The following PLA2R1 variants were observed in gnomAD, a reference collection of about 807,000 sequenced individuals.
The protein encoded by PLA2R1 is secretory phospholipase A2 receptor.
PLA2R1 carries 158 observed loss-of-function variants against 195.9 expected under a neutral mutation model. That is an observed-to-expected ratio of 0.81 (90% CI 0.71 to 0.92). The LOEUF (loss-of-function observed/expected upper bound fraction) is 0.92. Ranked by LOEUF, PLA2R1 falls within the 40% of genes least tolerant of loss-of-function variation. The probability of loss-of-function intolerance (pLI) is 0.00; values close to 1 mark genes in which losing one functional copy is unlikely to be tolerated. For synonymous variants in PLA2R1, 586 were observed against 598.2 expected (o/e 0.98, Z 0.30); for missense variants, 1,626 against 1,764.6 (o/e 0.92, Z 1.41).
intron 8 of PLA2R1, among the ~76,000 whole-genome samples, chr2:160,018,633 A>AAAACAAACAAACAAACAAAC (rs59379239): frequency 2.0e-5 from 3 of 150,522 alleles, no homozygotes; most frequent in African/African-American, 7.3e-5. Flanking sequence ...CTCTGTCTCA[A>AAAACAAACAAACAAACAAAC]AAACAAACAA....
chr2:160,020,560 T>C (rs138060325), intron 7 of PLA2R1, among the ~76,000 whole-genome samples: 492 of 152,224 alleles, frequency 3.2e-3, no homozygotes, highest in Non-Finnish European at 6.0e-3. Flanking sequence ...CCCTGATGAA[T>C]GGATTAATGG....
At chr2:160,012,565 C>T (rs1210848371) in intron 10 of PLA2R1, among the ~76,000 whole-genome samples, 1 of 152,056 alleles carries the variant, frequency 6.6e-6, no homozygotes, top group East Asian at 1.9e-4. Flanking sequence ...AGCTTTTCTG[C>T]TAAAAACACC....
At chr2:160,022,618 C>A (rs973396182) in intron 7 of PLA2R1, 47 bp downstream of exon 7, 2 of 1,116,842 alleles carry the variant, frequency 1.8e-6, no homozygotes, top group African/African-American at 1.6e-5. Flanking sequence ...AAAGTAGTTA[C>A]TACATTATAT....
Position 160,022,645 on chromosome 2 carries a change from CA to C in PLA2R1, c.1294+19del. On this transcript the variant is annotated intron_variant, in intron 7 of 29. Transcript: ENST00000283243. ...ACATTATATTTTATGCCTTTTAAAC[CA>C]AAGGCAGCTGGGACTCACCATCTCC... 6.8e-7 allele frequency: 1 copy of C among 1,478,914 alleles called. No individual in the cohort carries two copies. The highest frequency in any genetic ancestry group is 9.1e-7 in the Non-Finnish European group (1 of 1,095,134). The allele number at this position is 1,478,914 out of a possible 1,614,324, so 91.6% of individuals were successfully genotyped here. A position where few individuals can be genotyped will look rare whatever the true frequency, so the allele number is the denominator to read the frequency against.
intron 25 of PLA2R1, among the ~76,000 whole-genome samples, chr2:159,948,394 C>A (rs1012632988): frequency 5.3e-5 from 8 of 151,888 alleles, no homozygotes; most frequent in Non-Finnish European, 1.0e-4. Flanking sequence ...ACCACCAAGC[C>A]CAGATAATTG....
chr2:159,941,550 T>G lies in PLA2R1; in HGVS notation c.*228A>C, dbSNP rs1335363910. On this transcript the variant is annotated 3_prime_UTR_variant, in exon 30 of 30. Coordinates refer to ENST00000283243, the MANE Select transcript of PLA2R1 (RefSeq NM_007366.5). ...TCTTGTCTTTCTGAAAAATAACCAA[T>G]GCATAATTTACCCCTTTTAAGAATG... The G allele has an allele frequency of 2.8e-6, 1 of 357,954 alleles. No homozygotes were observed. The highest frequency in any genetic ancestry group is 5.0e-6 in the Non-Finnish European group (1 of 198,380). The allele number at this position is 357,954 out of a possible 1,614,324, so 22.2% of individuals were successfully genotyped here. A position where few individuals can be genotyped will look rare whatever the true frequency, so the allele number is the denominator to read the frequency against.
chr2:159,961,219 C>A (rs59062448), intron 20 of PLA2R1, among the ~76,000 whole-genome samples: 4,091 of 152,214 alleles, frequency 0.027, 164 homozygotes, highest in African/African-American at 0.088. Flanking sequence ...GGTGGGGAGA[C>A]ATGCATGGTG....
rs569224680 is a variant in PLA2R1 at position 160,048,921 on chromosome 2, A to G, written c.110-3764T>C. 1.8e-4 allele frequency among the ~76,000 whole-genome samples: 27 copies of G among 149,372 alleles called. No individual in the cohort carries two copies. The East Asian group carries it at 5.1e-3, about 28-fold the overall frequency. The stretch of plus-strand genomic sequence containing the variant: ...AGTGGCGGGATCTCGGCTCACTGCA[A>G]GCTCCGCCTCCCGGGTTCACGCCAT... On this transcript the variant is annotated intron_variant, in intron 1 of 29. Transcript: ENST00000283243.
chr2:159,977,186 C>A (rs1324511754), intron 15 of PLA2R1, 98 bp downstream of exon 15: 3 of 873,688 alleles, frequency 3.4e-6, no homozygotes, highest in South Asian at 1.9e-5. Context: ...TTTTATCATG[C>A]AATTTGTTGA....
At position 160,020,110 on chromosome 2, in the gene PLA2R1, T is replaced by C. The variant is rs766878334; in HGVS notation, c.1448A>G (p.Gln483Arg). 1 of 1,611,620 alleles carries C rather than the reference T, an allele frequency of 6.2e-7. No individual in the cohort carries two copies. Residue 483 changes from glutamine (Q) to arginine (R), a missense_variant, in exon 8 of 30, where the codon CAG becomes CGG. Coordinates refer to ENST00000283243, the MANE Select transcript of PLA2R1 (RefSeq NM_007366.5). ...NRSQLCVSAEQSEGHWKVKNC... is the reference protein window; with the variant it reads ...NRSQLCVSAERSEGHWKVKNC... ...TGAACAAATGAATCAACTTACAGAC[T>C]GCTCTGCTGAGACACACAGCTGGCT...
chr2:159,987,066 A>C lies in PLA2R1; in HGVS notation c.2037+90T>G, dbSNP rs1293630751. ...GTCAGGCACTGTTCTGGAAAAAAAAAGGGCCCCGGAATAAAGGAATTTGGG... is the reference window on the plus strand; with the variant it reads ...GTCAGGCACTGTTCTGGAAAAAAAACGGGCCCCGGAATAAAGGAATTTGGG... On this transcript the variant is annotated intron_variant, in intron 12 of 29. Transcript: ENST00000283243. The C allele has an allele frequency of 3.1e-6, 3 of 972,330 alleles. No homozygotes were observed. In the Admixed American group the frequency reaches 6.0e-5, roughly 19 times the overall value. The allele number at this position is 972,330 out of a possible 1,614,324, so 60.2% of individuals were successfully genotyped here.
rs142465028 is a variant in PLA2R1 at position 159,947,542 on chromosome 2, G to A, written c.3727C>T (p.His1243Tyr). The change falls in exon 26 of 30, where the codon CAC becomes TAC. Residue 1243 changes from histidine to tyrosine, a missense_variant. Physicochemically the swap from His to Tyr is moderately conservative, Grantham distance 83. Transcript: ENST00000283243. Reference sequence around the variant, plus strand: ...GATGTTTCTGAGCACAACTCTGGGTGTTCAGATTGTCTTGTTTCTGTGAAG... The same window carrying A: ...GATGTTTCTGAGCACAACTCTGGGTATTCAGATTGTCTTGTTTCTGTGAAG... The part of the protein sequence containing the change: ...HVPPETRQSE[H>Y]PELCSETSIP... 1.2e-6 allele frequency: 2 copies of A among 1,612,812 alleles called. No homozygotes were observed. Among genetic ancestry groups the A allele is most frequent in the Non-Finnish European group, 1.7e-6 (2 of 1,179,496 alleles).
At chr2:159,951,698 T>A in intron 23 of PLA2R1, 120 bp from the exon 24 acceptor site, 1 of 656,444 alleles carries the variant, frequency 1.5e-6, no homozygotes, top group Non-Finnish European at 2.7e-6. Flanking sequence ...TCTTCTGGAA[T>A]TGACTGTTTC....
chr2:160,038,370 G>A (rs1694301369), intron 3 of PLA2R1, among the ~76,000 whole-genome samples: 1 of 152,200 alleles, frequency 6.6e-6, no homozygotes, highest in South Asian at 2.1e-4. Flanking sequence ...TGATGGTCTA[G>A]GGTGTGACTG....
At chr2:160,042,318 A>G in intron 2 of PLA2R1, 120 bp from the exon 3 acceptor site, 2 of 726,836 alleles carry the variant, frequency 2.8e-6, no homozygotes, top group Non-Finnish European at 4.6e-6. Context: ...TACTCACTAC[A>G]GCAGAGTGAG....
chr2:160,020,442 T>G (rs1409793141), intron 7 of PLA2R1, among the ~76,000 whole-genome samples, 179 bp from the exon 8 acceptor site: 1 of 152,204 alleles, frequency 6.6e-6, no homozygotes, highest in Non-Finnish European at 1.5e-5. Context: ...CCTTCCCTGC[T>G]ATGGTTTGAA....
Position 159,951,470 on chromosome 2 carries a change from G to T in PLA2R1, c.3410C>A (p.Ala1137Glu). The T allele has an allele frequency of 6.2e-7, 1 of 1,610,338 alleles. No homozygotes were observed. The highest frequency in any genetic ancestry group is 8.5e-7 in the Non-Finnish European group (1 of 1,176,544). Residue 1137 changes from alanine to glutamate, a missense_variant, in exon 24 of 30, where the codon GCA (alanine) becomes GAA (glutamate). Ala to Glu is a moderately radical substitution (Grantham distance 107). Transcript: ENST00000283243. ...GTGCATCAGGCAGGTTTTTATTGCT[G>T]CATACCAAGTCATATTTGCATTAAT... ...KIINANMTWY[A>E]AIKTCLMHKA...
intron 11 of PLA2R1, among the ~76,000 whole-genome samples, chr2:159,993,200 C>T (rs1690953132): frequency 6.6e-6 from 1 of 152,030 alleles, no homozygotes; most frequent in Non-Finnish European, 1.5e-5. Context: ...TCCATTTAAT[C>T]AGTGGCAATA....
Position 160,016,599 on chromosome 2 carries a change from G to A in PLA2R1, c.1551+15C>T, listed in dbSNP as rs778204377. On this transcript the variant is annotated intron_variant, in intron 9 of 29. Transcript: ENST00000283243. ...GAAGTCCCTGTACCTAAATTGCAAT[G>A]TTAACAGCACTTACCTCTTGACATC... 3 of 1,384,428 alleles carry A rather than the reference G, an allele frequency of 2.2e-6. No homozygotes were observed. The Admixed American group carries it at 5.2e-5, about 24-fold the overall frequency. The allele number at this position is 1,384,428 out of a possible 1,614,324, so 85.8% of individuals were successfully genotyped here.
Sources: gnomAD v4.1 joint callset for allele counts (sites outside exome capture counted in the v4.1 genomes callset) on GRCh38, gnomAD v4.1.1 for gene constraint, MANE v1.5 for transcripts, NCBI Gene and HGNC (gene_info 2026-07-23, HGNC 2026-07-21) for gene names.